The following SCARB2 variants were observed in gnomAD, a reference collection of about 807,000 sequenced individuals.
SCARB2 encodes the protein lysosome membrane protein 2.
SCARB2 carries 29 observed loss-of-function variants against 58.6 expected under a neutral mutation model. The ratio of observed to expected loss-of-function variants is 0.49; its 90% CI spans 0.37 to 0.67. The LOEUF is 0.67. Ranked by LOEUF, SCARB2 falls within the 30% of genes least tolerant of loss-of-function variation. The pLI is 0.00. For synonymous variants in SCARB2, 195 were observed against 210.1 expected (o/e 0.93, Z 0.62); for missense variants, 488 against 578.5 (o/e 0.84, Z 1.60).
At chr4:76,209,757 T>C (rs941771915) in intron 1 of SCARB2, among the ~76,000 whole-genome samples, 2 of 152,214 alleles carry the variant, frequency 1.3e-5, no homozygotes, top group Admixed American at 6.5e-5. Flanking sequence ...GCCCAGAGCC[T>C]CAGGTCCAGA....
chr4:76,228,678 C>A (rs1733442486), intron 1 of SCARB2, among the ~76,000 whole-genome samples: 1 of 152,084 alleles, frequency 6.6e-6, no homozygotes, highest in Non-Finnish European at 1.5e-5. Flanking sequence ...AGATAGTACC[C>A]CAATCCTTTC....
Position 76,213,708 on chromosome 4 carries a change from G to A in SCARB2, c.-165C>T. 1.8e-6 allele frequency: 1 copy of A among 543,770 alleles called. No homozygotes were observed. The highest frequency in any genetic ancestry group is 3.2e-6 in the Non-Finnish European group (1 of 315,592). 33.7% of individuals were successfully genotyped at this position (543,770 alleles called of 1,614,324 possible). On this transcript the variant is annotated 5_prime_UTR_variant, in exon 1 of 12. Coordinates refer to ENST00000264896, the MANE Select transcript of SCARB2 (RefSeq NM_005506.4). ...GCGCAGCTCTGGGCTCCGCGGCCTGGCGAGCGCGGCCCCGGGTGCACCGGG... is the reference window on the plus strand; with the variant it reads ...GCGCAGCTCTGGGCTCCGCGGCCTGACGAGCGCGGCCCCGGGTGCACCGGG...
chr4:76,199,676 A>T (rs1158381689), intron 1 of SCARB2, among the ~76,000 whole-genome samples: 1 of 152,240 alleles, frequency 6.6e-6, no homozygotes, highest in Non-Finnish European at 1.5e-5. Flanking sequence ...TGGAGAAGCC[A>T]TAAGTTGGAC....
chr4:76,163,682 T>C, intron 10 of SCARB2: 1 of 417,534 alleles, frequency 2.4e-6, no homozygotes, highest in South Asian at 2.3e-5. Context: ...TTCCAATTCA[T>C]CCTTAAAAAT....
In SCARB2 at chr4:76,222,921, G is replaced by C. The variant is rs28442089; in HGVS notation, c.-358+11382C>G. ...AAGCTGAAGCTCAGAAGAAAGGCAG[G>C]GGGGGAAGAGGCCCAGGTGAAGCCT... On this transcript the variant is annotated intron_variant, in intron 1 of 11. Transcript: ENST00000638295. Among the ~76,000 whole-genome samples, 11 of 152,150 alleles carry C rather than the reference G, an allele frequency of 7.2e-5. No homozygotes were observed. In the South Asian group the frequency reaches 8.3e-4, roughly 11 times the overall value.
At chr4:76,183,469 C>T (rs116647686) in intron 2 of SCARB2, among the ~76,000 whole-genome samples, 335 of 152,270 alleles carry the variant, frequency 2.2e-3, no homozygotes, top group Non-Finnish European at 3.5e-3. Flanking sequence ...GAAACACTTA[C>T]ATTTTATTAT....
intron 3 of SCARB2, chr4:76,180,447 C>T (rs542549149): frequency 6.6e-6 from 1 of 152,556 alleles, no homozygotes; most frequent in Admixed American, 6.5e-5. Flanking sequence ...GAATAGGTGT[C>T]GTTATTAGGT....
Position 76,230,005 on chromosome 4 carries a change from G to A in SCARB2, c.-358+4298C>T, listed in dbSNP as rs113429997. Among the ~76,000 whole-genome samples the A allele has an allele frequency of 5.8e-3, 886 of 152,308 alleles. 11 individuals carry two copies. Among genetic ancestry groups the A allele is most frequent in the African/African-American group, 0.02 (830 of 41,548 alleles). ...GTGCTTTCAAGAGAGCACCAGCTAC[G>A]ATAGTAGAATGGGGATATAAGCTTG... On this transcript the variant is annotated intron_variant, in intron 1 of 11. Coordinates refer to the SCARB2 transcript ENST00000638295.
At chr4:76,221,422 G>A (rs557348676) in intron 1 of SCARB2, among the ~76,000 whole-genome samples, 19 of 152,180 alleles carry the variant, frequency 1.2e-4, no homozygotes, top group African/African-American at 4.8e-5. Flanking sequence ...GGGTTCAAGC[G>A]GTTCTCCTGC....
chr4:76,163,969 T>G (rs1731949735), intron 10 of SCARB2: 1 of 159,066 alleles, frequency 6.3e-6, no homozygotes, highest in African/African-American at 2.4e-5. Flanking sequence ...AAATGGTATG[T>G]GGAAAGTATA....
At chr4:76,190,528 A>G (rs1732582302) in intron 2 of SCARB2, among the ~76,000 whole-genome samples, 1 of 152,162 alleles carries the variant, frequency 6.6e-6, no homozygotes, top group African/African-American at 2.4e-5. Flanking sequence ...TCACGCCTGT[A>G]GTCCCAGCAC....
intron 1 of SCARB2, among the ~76,000 whole-genome samples, chr4:76,199,770 G>T (rs1349802486): frequency 6.6e-6 from 1 of 152,180 alleles, no homozygotes; most frequent in Non-Finnish European, 1.5e-5. Flanking sequence ...GTCACTGTCA[G>T]CTCCTAGTAA....
intron 3 of SCARB2, chr4:76,180,074 T>C: frequency 3.0e-6 from 1 of 337,628 alleles, no homozygotes; most frequent in Non-Finnish European, 5.8e-6. Flanking sequence ...CCTACACCCC[T>C]GGGACTAGGT....
intron 1 of SCARB2, among the ~76,000 whole-genome samples, chr4:76,225,071 GAAT>G (rs930728767): frequency 2.0e-5 from 3 of 152,142 alleles, no homozygotes; most frequent in African/African-American, 4.8e-5. Context: ...ACTTCACTTA[GAAT>G]AATGATCTCC....
chr4:76,181,970 G>C (rs1252652212), intron 2 of SCARB2, among the ~76,000 whole-genome samples: 1 of 152,182 alleles, frequency 6.6e-6, no homozygotes, highest in African/African-American at 2.4e-5. Context: ...CCTAGAGTCA[G>C]TGTGAGTGAT....
intron 1 of SCARB2, among the ~76,000 whole-genome samples, chr4:76,230,969 C>G (rs1733483534): frequency 6.6e-6 from 1 of 152,186 alleles, no homozygotes; most frequent in South Asian, 2.1e-4. Context: ...TTGTCTACCT[C>G]TGGATCCCTT....
chr4:76,205,912 C>T (rs1732921983), intron 1 of SCARB2, among the ~76,000 whole-genome samples: 1 of 152,170 alleles, frequency 6.6e-6, no homozygotes, highest in Non-Finnish European at 1.5e-5. Flanking sequence ...CAACGGATAC[C>T]TTCACTGGGC....
intron 7 of SCARB2, chr4:76,173,899 T>C: frequency 2.0e-6 from 1 of 503,640 alleles, no homozygotes; most frequent in East Asian, 3.5e-5. Context: ...TGAAAGAAAC[T>C]GATCTTTCTA....
chr4:76,211,070 C>A (rs1207305903), intron 1 of SCARB2, among the ~76,000 whole-genome samples: 1 of 152,206 alleles, frequency 6.6e-6, no homozygotes, highest in African/African-American at 2.4e-5. Context: ...ATTACCTATT[C>A]TGTGCCTGAT....
Sources: allele counts gnomAD v4.1 joint callset (sites outside exome capture counted in the v4.1 genomes callset), GRCh38; gene constraint gnomAD v4.1.1; transcripts MANE v1.5; gene names NCBI Gene and HGNC (gene_info 2026-07-23, HGNC 2026-07-21).